Variants in SHLD2 observed in about 807,000 individuals in gnomAD.
SHLD2 encodes the protein RINN1-REV7-interacting novel NHEJ regulator 2.
SHLD2 carries 30 observed loss-of-function variants against 73.2 expected under a neutral mutation model. The observed-to-expected ratio is 0.41, with a 90% CI of 0.31 to 0.56. The LOEUF is 0.56. Ranked by LOEUF, SHLD2 falls within the 20% of genes least tolerant of loss-of-function variation. The probability of loss-of-function intolerance (pLI) is 0.28; values close to 1 mark genes in which losing one functional copy is unlikely to be tolerated. For synonymous variants in SHLD2, 285 were observed against 370.1 expected (o/e 0.77, Z 2.64); for missense variants, 745 against 1,055.9 (o/e 0.71, Z 4.08).
chr10:87,113,856 A>C (rs1442306258), intron 2 of SHLD2: 2 of 152,004 alleles, frequency 1.3e-5, no homozygotes, highest in Non-Finnish European at 2.9e-5. Context: ...AAAAACAAAA[A>C]CTGGCTGGGC....
chr10:87,170,624 G>A lies in SHLD2; in HGVS notation c.1780G>A (p.Val594Ile), dbSNP rs529413432. The change falls in exon 5 of 10, where the codon GTA becomes ATA. Residue 594 changes from valine (V) to isoleucine (I), a missense_variant. This residue lies in a region of SHLD2 where 418 missense variants were observed against 567.8 expected (regional missense o/e 0.74). Transcript: ENST00000298786. ...AGAATTGGAGCACCTTCAACCTGAT[G>A]TATTAGTCCACGCAGTACTAAGAGT... ...FVELEHLQPDVLVHAVLRVVD... is the reference protein window; with the variant it reads ...FVELEHLQPDILVHAVLRVVD... The A allele has an allele frequency of 1.2e-6, 2 of 1,612,986 alleles. No individual in the cohort carries two copies. The highest frequency in any genetic ancestry group is 8.5e-7 in the Non-Finnish European group (1 of 1,179,602).
rs1849036758 is a variant in SHLD2, at chr10:87,191,091, G to A, written c.*408G>A. On this transcript the variant is annotated 3_prime_UTR_variant, in exon 10 of 10. Coordinates refer to ENST00000298786, the MANE Select transcript of SHLD2 (RefSeq NM_001330112.2). ...TCCCTACCTAAAAAACCGTCAATGT[G>A]AAATCATTTCCTTGATTATAACTAT... 4.8e-6 allele frequency: 1 copy of A among 210,230 alleles called. No individual in the cohort carries two copies. Among genetic ancestry groups the A allele is most frequent in the Non-Finnish European group, 9.6e-6 (1 of 104,430 alleles). The allele number at this position is 210,230 out of a possible 1,614,324, so 13.0% of individuals were successfully genotyped here. A position where few individuals can be genotyped will look rare whatever the true frequency, so the allele number is the denominator to read the frequency against.
At chr10:87,163,239 T>G (rs1159824093) in intron 4 of SHLD2, among the ~76,000 whole-genome samples, 1 of 152,114 alleles carries the variant, frequency 6.6e-6, no homozygotes, top group Non-Finnish European at 1.5e-5. Flanking sequence ...CTGTCCTTCC[T>G]GTACGAAGGA....
chr10:87,164,150 G>C (rs2134466125), intron 4 of SHLD2, among the ~76,000 whole-genome samples: 1 of 152,040 alleles, frequency 6.6e-6, no homozygotes, highest in African/African-American at 2.4e-5. Flanking sequence ...TAGAGATGGG[G>C]TTTCACCATG....
At chr10:87,113,651 G>T (rs1166369280) in intron 2 of SHLD2, among the ~76,000 whole-genome samples, 1 of 152,154 alleles carries the variant, frequency 6.6e-6, no homozygotes, top group Non-Finnish European at 1.5e-5. Flanking sequence ...TGCAAAATGT[G>T]AATACACTAA....
chr10:87,173,766 C>A (rs1443438763), intron 6 of SHLD2, among the ~76,000 whole-genome samples: 2 of 151,806 alleles, frequency 1.3e-5, no homozygotes, highest in African/African-American at 4.8e-5. Context: ...AAAAAAATTA[C>A]ATTGTCAGAA....
chr10:87,157,612 G>A (rs1468635385), intron 3 of SHLD2, among the ~76,000 whole-genome samples: 1 of 152,174 alleles, frequency 6.6e-6, no homozygotes, highest in Admixed American at 6.5e-5. Flanking sequence ...AGTGTGTTAA[G>A]AATGCCTTAT....
At chr10:87,160,526 A>G (rs906325583) in intron 4 of SHLD2, among the ~76,000 whole-genome samples, 1 of 152,148 alleles carries the variant, frequency 6.6e-6, no homozygotes, top group Non-Finnish European at 1.5e-5. Flanking sequence ...GCATTATAAT[A>G]TGATTAATAC....
chr10:87,168,155 C>G (rs997060772), intron 4 of SHLD2, among the ~76,000 whole-genome samples: 1 of 151,980 alleles, frequency 6.6e-6, no homozygotes, highest in African/African-American at 2.4e-5. Context: ...ACAAATTGTT[C>G]TACCAAAAAG....
chr10:87,148,566 C>G (rs5786764), intron 2 of SHLD2, among the ~76,000 whole-genome samples: 61,939 of 112,978 alleles, frequency 0.55, 14,873 homozygotes, highest in East Asian at 0.71. Context: ...TGTGGGGGGG[C>G]GGGGGTTGGT....
At chr10:87,128,937 C>G (rs912362157) in intron 2 of SHLD2, among the ~76,000 whole-genome samples, 1 of 152,156 alleles carries the variant, frequency 6.6e-6, no homozygotes, top group Non-Finnish European at 1.5e-5. Context: ...CGGAATCCCA[C>G]TCTCGCCCAG....
intron 2 of SHLD2, 72 bp from the exon 3 acceptor site, chr10:87,151,278 A>C: frequency 1.4e-6 from 1 of 725,514 alleles, no homozygotes; most frequent in Non-Finnish European, 2.1e-6. Flanking sequence ...CTTTTGGTAC[A>C]TTATTAAGTT....
chr10:87,118,502 A>C (rs571004660), intron 2 of SHLD2, among the ~76,000 whole-genome samples: 4 of 146,546 alleles, frequency 2.7e-5, no homozygotes, highest in Non-Finnish European at 6.0e-5. Flanking sequence ...CCCTTTCACA[A>C]TGACCTTCCC....
intron 2 of SHLD2, among the ~76,000 whole-genome samples, chr10:87,137,768 C>T (rs1368020435): frequency 1.3e-5 from 2 of 152,104 alleles, no homozygotes; most frequent in African/African-American, 4.8e-5. Context: ...TTAAAAATCC[C>T]ATATATAGGC....
upstream of SHLD2, chr10:87,094,902 C>T: frequency 1.7e-6 from 1 of 584,214 alleles, no homozygotes; most frequent in South Asian, 2.8e-5. The surrounding 1 kb of genome is among the most constrained non-coding windows in gnomAD (Gnocchi z 6.6). Flanking sequence ...CCGGCTGTCC[C>T]CTCCCCTCGG....
chr10:87,143,862 C>CTTTTTTTTTTTT (rs61651864), intron 2 of SHLD2, among the ~76,000 whole-genome samples: 2 of 104,760 alleles, frequency 1.9e-5, no homozygotes, highest in Non-Finnish European at 2.0e-5. Context: ...TTTATTCTTT[C>CTTTTTTTTTTTT]TTTTTTTTTT....
chr10:87,190,655 T>G lies in SHLD2; in HGVS notation c.2687T>G (p.Val896Gly), dbSNP rs1184370366. ...FSLLDFYPDI[V>G]KHGANARL ...CTCCTGGATTTTTATCCTGACATTG[T>G]AAAGCATGGAGCCAATGCCCGTCTC... is the stretch of plus-strand genomic sequence containing the variant. Residue 896 changes from valine (V) to glycine (G), a missense_variant, in exon 10 of 10, where the codon GTA becomes GGA. By Grantham distance (109) the Val-to-Gly change is moderately radical. This residue lies in a region of SHLD2 where 418 missense variants were observed against 567.8 expected (regional missense o/e 0.74). Coordinates refer to ENST00000298786, the MANE Select transcript of SHLD2 (RefSeq NM_001330112.2). 6.2e-7 allele frequency: 1 copy of G among 1,611,950 alleles called. No individual in the cohort carries two copies. The highest frequency in any genetic ancestry group is 8.5e-7 in the Non-Finnish European group (1 of 1,179,826).
intron 4 of SHLD2, among the ~76,000 whole-genome samples, chr10:87,166,950 A>AGTGTGTGTGTGT (rs10602407): frequency 1.6e-5 from 2 of 126,292 alleles, no homozygotes; most frequent in African/African-American, 5.5e-5. Context: ...CATTTTGGAA[A>AGTGTGTGTGTGT]GTGTGTGTGT....
In SHLD2 at chr10:87,160,987, C is replaced by CAA. The variant is rs147632356; in HGVS notation, c.1633+2844_1633+2845dup. Among the ~76,000 whole-genome samples, 379 of 112,764 alleles carry CAA rather than the reference C, an allele frequency of 3.4e-3. 2 individuals are homozygous for CAA. Among genetic ancestry groups the CAA allele is most frequent in the African/African-American group, 0.011 (346 of 30,838 alleles). 74.0% of individuals were successfully genotyped at this position (112,764 alleles called of 152,430 possible). ...GAGCGACAGAGTGAGATTCGGTCTC[C>CAA]AAAAAAAAAAAAAGAAAGAAGAGGC... On this transcript the variant is annotated intron_variant, in intron 4 of 9. Coordinates refer to ENST00000298786, the MANE Select transcript of SHLD2 (RefSeq NM_001330112.2).
Sources: allele counts gnomAD v4.1 joint callset (sites outside exome capture counted in the v4.1 genomes callset), GRCh38; gene constraint gnomAD v4.1.1; regional missense constraint gnomAD v4.1.1; non-coding constraint Gnocchi (gnomAD v3.1); transcripts MANE v1.5; gene names NCBI Gene and HGNC (gene_info 2026-07-23, HGNC 2026-07-21).